The following ANK3 variants were observed in gnomAD, a reference collection of about 807,000 sequenced individuals.
ANK3 encodes ankyrin-3.
ANK3 carries 57 observed loss-of-function variants against 370.9 expected under a neutral mutation model. The ratio of observed to expected loss-of-function variants is 0.15; its 90% CI spans 0.12 to 0.19. The LOEUF (loss-of-function observed/expected upper bound fraction) is 0.19, where lower values mean the gene tolerates loss of function less well. Among genes scored for constraint, ANK3 ranks in the 10% least tolerant of loss-of-function variants. ANK3 has a pLI of 1.00. For missense variants in ANK3, 4,439 were observed against 5,302.1 expected, an observed-to-expected ratio of 0.84 and a Z score of 5.06; for synonymous variants, 1,929 against 1,946.3, an observed-to-expected ratio of 0.99 and a Z score of 0.23.
At position 60,055,886 on chromosome 10, in the gene ANK3, G is replaced by T. The variant is rs553218660; in HGVS notation, c.12837C>A (p.Thr4279=). Residue 4279 remains threonine, a synonymous_variant, in exon 42 of 44, where the codon ACC becomes ACA. Coordinates refer to ENST00000280772, the MANE Select transcript of ANK3 (RefSeq NM_020987.5). Reference sequence around the variant, plus strand: ...GTATTTTTGGTTTCAGAGTTTCCTTGGTACTCTGTTTTCCTACATCATTTT... The same window carrying T: ...GTATTTTTGGTTTCAGAGTTTCCTTTGTACTCTGTTTTCCTACATCATTTT... ...ESQNDVGKQS[T]KETLKPKIHG... The T allele has an allele frequency of 1.1e-5, 17 of 1,614,082 alleles. No homozygotes were observed. In the South Asian group the frequency reaches 1.9e-4, roughly 18 times the overall value.
chr10:60,240,146 A>T (rs1273101047), intron 7 of ANK3, among the ~76,000 whole-genome samples: 1 of 134,244 alleles, frequency 7.4e-6, no homozygotes, highest in Non-Finnish European at 1.5e-5. Context: ...ATATATACAC[A>T]TATATATACA....
intron 28 of ANK3, among the ~76,000 whole-genome samples, chr10:60,099,059 T>A (rs1452496887): frequency 6.6e-6 from 1 of 152,204 alleles, no homozygotes; most frequent in African/African-American, 2.4e-5. Context: ...ATGTGACCAT[T>A]TTTTGAACTC....
chr10:60,413,729 T>C (rs1223018741), intron 2 of ANK3, among the ~76,000 whole-genome samples: 2 of 152,180 alleles, frequency 1.3e-5, no homozygotes, highest in African/African-American at 4.8e-5. Flanking sequence ...CTGTAGTGAC[T>C]CATGCCTGTA....
intron 1 of ANK3, among the ~76,000 whole-genome samples, chr10:60,332,680 C>T (rs1197669841): frequency 2.0e-5 from 3 of 152,172 alleles, no homozygotes; most frequent in South Asian, 4.2e-4. Context: ...TTGGGAAAGG[C>T]CAAAAATAAA....
At chr10:60,108,504 C>T (rs930699659) in intron 27 of ANK3, among the ~76,000 whole-genome samples, 6 of 152,194 alleles carry the variant, frequency 3.9e-5, no homozygotes, top group East Asian at 1.9e-4. Flanking sequence ...ATATTCAATG[C>T]GGTAAAATAA....
chr10:60,125,653 C>T (rs2093719058), intron 25 of ANK3, among the ~76,000 whole-genome samples: 1 of 152,076 alleles, frequency 6.6e-6, no homozygotes, highest in Non-Finnish European at 1.5e-5. Flanking sequence ...AAAGAAATAG[C>T]AAGGTTAATC....
intron 7 of ANK3, among the ~76,000 whole-genome samples, chr10:60,243,993 T>G (rs2097515909): frequency 6.6e-6 from 1 of 152,194 alleles, no homozygotes; most frequent in South Asian, 2.1e-4. Flanking sequence ...TATAACATGA[T>G]CTACATGATA....
In ANK3 at chr10:60,075,570, T is replaced by C; in HGVS notation, c.5311A>G (p.Thr1771Ala). The change falls in exon 37 of 44, where the codon ACT (threonine) becomes GCT (alanine). Residue 1771 changes from threonine to alanine, a missense_variant. This residue lies in a region of ANK3 where 679 missense variants were observed against 791.0 expected (regional missense o/e 0.86). Transcript: ENST00000280772. The stretch of plus-strand genomic sequence containing the variant: ...CTGAGTGGGGAAAATGGCATTGCAG[T>C]CGTGGTAGAAAACACTTTCTCAACT... ...DTVEKVFSTT[T>A]AMPFSPLRSY... 1 of 1,614,046 alleles carries C rather than the reference T, an allele frequency of 6.2e-7. No individual in the cohort carries two copies. The highest frequency in any genetic ancestry group is 8.5e-7 in the Non-Finnish European group (1 of 1,179,996).
chr10:60,105,970 C>A lies in ANK3; in HGVS notation c.3263G>T (p.Trp1088Leu). The change falls in exon 28 of 44, where the codon TGG (tryptophan) becomes TTG (leucine). Residue 1088 changes from tryptophan (W) to leucine (L), a missense_variant. Transcript: ENST00000280772. ...TTTGCTGTCAAACTGATGCTCCTTCCAAGTTTCACCATTTTCACTTCGAAG... is the reference window on the plus strand; with the variant it reads ...TTTGCTGTCAAACTGATGCTCCTTCAAAGTTTCACCATTTTCACTTCGAAG... ...IVLRSENGET[W>L]KEHQFDSKNE... is the part of the protein sequence containing the mutation. The A allele has an allele frequency of 6.2e-7, 1 of 1,612,868 alleles. No individual in the cohort carries two copies. Among genetic ancestry groups the A allele is most frequent in the South Asian group, 1.1e-5 (1 of 90,908 alleles).
Position 60,650,212 on chromosome 10 carries a change from C to T in ANK3, c.58-34988G>A, listed in dbSNP as rs74454356. Among the ~76,000 whole-genome samples the T allele has an allele frequency of 1.8e-3, 267 of 152,298 alleles. 2 individuals carry two copies. Among genetic ancestry groups the T allele is most frequent in the African/African-American group, 6.2e-3 (259 of 41,560 alleles). On this transcript the variant is annotated intron_variant, in intron 1 of 43. Transcript: ENST00000373827. ...ACAAACAGTGGCAAGGGGCCAAATC[C>T]AGCCTGTTACCTGTTTTTGTAAACG...
At chr10:60,532,963 G>C (rs1409826052) in intron 2 of ANK3, among the ~76,000 whole-genome samples, 1 of 151,960 alleles carries the variant, frequency 6.6e-6, no homozygotes, top group African/African-American at 2.4e-5. Flanking sequence ...CCTGCTCGGG[G>C]CTGCAAACAG....
intron 1 of ANK3, among the ~76,000 whole-genome samples, chr10:60,711,932 G>A (rs1432514963): frequency 1.3e-5 from 2 of 152,158 alleles, no homozygotes; most frequent in Admixed American, 6.5e-5. Context: ...AATATTTAAA[G>A]TGTTGAAAGA....
chr10:60,441,347 C>G (rs1459549102), intron 2 of ANK3, among the ~76,000 whole-genome samples: 1 of 152,022 alleles, frequency 6.6e-6, no homozygotes, highest in Non-Finnish European at 1.5e-5. Flanking sequence ...AATACACTTT[C>G]TAAAAAATCT....
intron 24 of ANK3, 102 bp from the exon 25 acceptor site, chr10:60,134,475 A>T (rs1054985930): frequency 1.3e-6 from 1 of 769,696 alleles, no homozygotes; most frequent in African/African-American, 1.8e-5. Context: ...GATGGCTAAA[A>T]ATATCAACAA....
intron 1 of ANK3, among the ~76,000 whole-genome samples, chr10:60,659,098 G>C (rs1026481753): frequency 1.9e-4 from 29 of 152,018 alleles, no homozygotes; most frequent in African/African-American, 5.8e-4. Flanking sequence ...ATGAATTGTA[G>C]CCCTAAATAT....
chr10:60,079,961 A>G (rs1564857014), intron 36 of ANK3, among the ~76,000 whole-genome samples: 1 of 152,160 alleles, frequency 6.6e-6, no homozygotes, highest in Non-Finnish European at 1.5e-5. Flanking sequence ...TCTAGTGAAG[A>G]CCAGCCTTAG....
chr10:60,472,162 A>G (rs1308908075), intron 2 of ANK3, among the ~76,000 whole-genome samples: 1 of 152,166 alleles, frequency 6.6e-6, no homozygotes, highest in Non-Finnish European at 1.5e-5. Flanking sequence ...CAAGGCAAAG[A>G]CTAATTGAAT....
chr10:60,172,269 T>C (rs745411724), intron 21 of ANK3, 39 bp downstream of exon 21: 3 of 1,525,028 alleles, frequency 2.0e-6, no homozygotes, highest in Admixed American at 1.8e-5. Flanking sequence ...GGCTGAAAGC[T>C]GGCTCCTAGG....
chr10:60,321,721 G>A (rs2132893727), intron 1 of ANK3, among the ~76,000 whole-genome samples: 1 of 152,288 alleles, frequency 6.6e-6, no homozygotes, highest in South Asian at 2.1e-4. Context: ...GTCAAAGCTG[G>A]GGCTGAAATC....
Sources: gnomAD v4.1 joint callset for allele counts (sites outside exome capture counted in the v4.1 genomes callset) on GRCh38, gnomAD v4.1.1 for gene constraint, gnomAD v4.1.1 regional missense constraint, MANE v1.5 for transcripts, NCBI Gene and HGNC (gene_info 2026-07-23, HGNC 2026-07-21) for gene names.